NGEF: variants seen among roughly 807,000 people sequenced by gnomAD.
The protein encoded by NGEF is ephexin-1.
Under a neutral mutation model 80.9 loss-of-function variants are expected in NGEF, and 31 were observed. The ratio of observed to expected loss-of-function variants is 0.38; its 90% confidence interval spans 0.29 to 0.52. The LOEUF (loss-of-function observed/expected upper bound fraction) is 0.52. NGEF is among the 20% of genes least tolerant of loss of function. The probability of loss-of-function intolerance (pLI) is 0.84; values close to 1 mark genes in which losing one functional copy is unlikely to be tolerated. For synonymous variants in NGEF, 371 were observed against 370.2 expected, an observed-to-expected ratio of 1.00 and a Z score of -0.03; for missense variants, 709 against 926.2, an observed-to-expected ratio of 0.77 and a Z score of 3.04.
At chr2:232,975,413 T>A (rs192878962) in intron 1 of NGEF, among the ~76,000 whole-genome samples, 6 of 152,182 alleles carry the variant, frequency 3.9e-5, no homozygotes, top group Admixed American at 3.9e-4. Flanking sequence ...GCAAGGTTGA[T>A]CCCCAAGGCG....
intron 5 of NGEF, among the ~76,000 whole-genome samples, chr2:232,897,902 T>TGGCCATCCCCAC (rs1411843818): frequency 6.6e-6 from 1 of 152,096 alleles, no homozygotes; most frequent in African/African-American, 2.4e-5. Context: ...GGCCTCTCCG[T>TGGCCATCCCCAC]GGCCATCCCC....
At chr2:232,926,849 G>C (rs917256423) in intron 4 of NGEF, among the ~76,000 whole-genome samples, 195 bp downstream of exon 4, 2 of 152,228 alleles carry the variant, frequency 1.3e-5, no homozygotes, top group Non-Finnish European at 2.9e-5. Flanking sequence ...AAGCCCACTT[G>C]TGCAGCGCTA....
chr2:232,943,478 C>T (rs1047717085), intron 3 of NGEF, among the ~76,000 whole-genome samples: 1 of 151,194 alleles, frequency 6.6e-6, no homozygotes, highest in Non-Finnish European at 1.5e-5. Context: ...GTATAGTTGC[C>T]TTAAAGGTGG....
chr2:232,975,972 G>A (rs2344970), intron 1 of NGEF, among the ~76,000 whole-genome samples: 89,084 of 152,020 alleles, frequency 0.59, 27,260 homozygotes, highest in African/African-American at 0.72. Context: ...AGGCCGAGGC[G>A]AGCAGATCAC....
chr2:232,954,521 C>T (rs899501737), intron 3 of NGEF, among the ~76,000 whole-genome samples: 22 of 151,788 alleles, frequency 1.4e-4, no homozygotes, highest in Non-Finnish European at 3.2e-4. Flanking sequence ...ATCAGGAGAT[C>T]GAGACCATCC....
rs1691380112 is a variant in NGEF, at chr2:232,878,805, C to T, written c.*684G>A. Reference sequence around the variant, plus strand: ...GCAGTGACCAATTCATTCCTTAAAACACCTGGGCTCCTTAAGGGGCTAGAA... The same window carrying T: ...GCAGTGACCAATTCATTCCTTAAAATACCTGGGCTCCTTAAGGGGCTAGAA... On this transcript the variant is annotated 3_prime_UTR_variant, in exon 15 of 15. Coordinates refer to ENST00000264051, the MANE Select transcript of NGEF (RefSeq NM_019850.3). 1 of 152,636 alleles carries T rather than the reference C, an allele frequency of 6.6e-6. No homozygotes were observed. Among genetic ancestry groups the T allele is most frequent in the East Asian group, 1.9e-4 (1 of 5,198 alleles). 9.5% of individuals were successfully genotyped at this position (152,636 alleles called of 1,614,324 possible).
chr2:233,013,085 A>G lies in NGEF; in HGVS notation c.-92T>C, dbSNP rs892221667. The G allele has an allele frequency of 2.1e-5, 10 of 470,886 alleles. No individual in the cohort carries two copies. Among genetic ancestry groups the G allele is most frequent in the Non-Finnish European group, 4.4e-5 (10 of 226,944 alleles). The allele number at this position is 470,886 out of a possible 1,614,324, so 29.2% of individuals were successfully genotyped here. The stretch of plus-strand genomic sequence containing the variant: ...TCTCTCACCTGCCAGAGAGGAGCTC[A>G]TAGGAGTTGGGCTTCCTCAGAGAGT... On this transcript the variant is annotated 5_prime_UTR_variant, in exon 1 of 15. It removes an upstream start codon present in the reference 5' UTR. Coordinates refer to ENST00000264051, the MANE Select transcript of NGEF (RefSeq NM_019850.3).
At chr2:232,946,809 T>C (rs1388133287) in intron 3 of NGEF, among the ~76,000 whole-genome samples, 1 of 152,146 alleles carries the variant, frequency 6.6e-6, no homozygotes, top group African/African-American at 2.4e-5. Flanking sequence ...TGGGAGGGGC[T>C]CCTATGTGAC....
At chr2:232,893,894 G>T (rs960192486) in intron 6 of NGEF, among the ~76,000 whole-genome samples, 3 of 152,212 alleles carry the variant, frequency 2.0e-5, no homozygotes, top group Admixed American at 2.0e-4. Context: ...GGGGTGAGGG[G>T]GCTGCAAACA....
chr2:232,899,998 G>A (rs868592935), intron 5 of NGEF, among the ~76,000 whole-genome samples: 1,955 of 84,568 alleles, frequency 0.023, 163 homozygotes, highest in African/African-American at 0.089. Context: ...ACTCACACAC[G>A]CTCTCACAGT....
At chr2:232,891,559 C>T in intron 7 of NGEF, 72 bp from the exon 8 acceptor site, 1 of 1,504,222 alleles carries the variant, frequency 6.6e-7, no homozygotes, top group Non-Finnish European at 8.9e-7. Flanking sequence ...TCCTCCCCAT[C>T]CACAGCCTCC....
chr2:232,984,513 G>C (rs967635631), intron 1 of NGEF, among the ~76,000 whole-genome samples: 1 of 152,230 alleles, frequency 6.6e-6, no homozygotes, highest in Non-Finnish European at 1.5e-5. Context: ...TATAACCTGT[G>C]ATGTGAAGAC....
At chr2:232,962,545 T>C (rs1020993184) in intron 3 of NGEF, among the ~76,000 whole-genome samples, 1 of 151,858 alleles carries the variant, frequency 6.6e-6, no homozygotes, top group South Asian at 2.1e-4. Context: ...TGAGACTCCA[T>C]CTCAAAAAGA....
rs1026231001 is a variant in NGEF, at chr2:232,884,085, C to T, written c.1497G>A (p.Met499Ile). 1 of 1,612,178 alleles carries T rather than the reference C, an allele frequency of 6.2e-7. No individual in the cohort carries two copies. Among genetic ancestry groups the T allele is most frequent in the Non-Finnish European group, 8.5e-7 (1 of 1,179,588 alleles). The part of the protein sequence containing the change: ...WLLKQGELQQ[M>I]SGPKTSRTLR... ...GGGTCCGGGAGGTCTTGGGGCCTGA[C>T]ATCTGCTGCAGCTCACCCTGCTTCA... is the stretch of plus-strand genomic sequence containing the variant. The change falls in exon 11 of 15, where the codon ATG (methionine) becomes ATA (isoleucine). Residue 499 changes from methionine to isoleucine, a missense_variant. Met to Ile is a conservative substitution (Grantham distance 10, BLOSUM62 1). This residue lies in a region of NGEF where 426 missense variants were observed against 622.9 expected (regional missense o/e 0.68). Coordinates refer to ENST00000264051, the MANE Select transcript of NGEF (RefSeq NM_019850.3).
chr2:232,912,580 T>C (rs939037316), intron 5 of NGEF, among the ~76,000 whole-genome samples: 1 of 152,174 alleles, frequency 6.6e-6, no homozygotes, highest in South Asian at 2.1e-4. Flanking sequence ...ATGGGGAAAA[T>C]TGATACTATT....
chr2:233,006,756 T>G (rs548449029), intron 1 of NGEF, among the ~76,000 whole-genome samples: 1 of 152,318 alleles, frequency 6.6e-6, no homozygotes, highest in South Asian at 2.1e-4. Flanking sequence ...GTATGATCTT[T>G]ACTGTACTTG....
intron 3 of NGEF, among the ~76,000 whole-genome samples, chr2:232,936,906 T>C (rs935358831): frequency 6.6e-6 from 1 of 152,232 alleles, no homozygotes; most frequent in Non-Finnish European, 1.5e-5. Flanking sequence ...ATGTCAAAAG[T>C]GAGAGTGGTC....
intron 3 of NGEF, among the ~76,000 whole-genome samples, chr2:232,941,724 G>A (rs1403723506): frequency 1.3e-5 from 2 of 152,124 alleles, no homozygotes; most frequent in African/African-American, 4.8e-5. Context: ...GTAGCCATAG[G>A]GAGCCTGGTC....
At chr2:232,996,774 T>C (rs1021285933) in intron 1 of NGEF, among the ~76,000 whole-genome samples, 1 of 152,094 alleles carries the variant, frequency 6.6e-6, no homozygotes, top group African/African-American at 2.4e-5. Flanking sequence ...GGATTACAGG[T>C]GTGAGCCACA....
Sources: gnomAD v4.1 joint callset for allele counts (sites outside exome capture counted in the v4.1 genomes callset) on GRCh38, gnomAD v4.1.1 for gene constraint, gnomAD v4.1.1 regional missense constraint, MANE v1.5 for transcripts, NCBI Gene and HGNC (gene_info 2026-07-23, HGNC 2026-07-21) for gene names.